The following HM13 variants were observed in gnomAD, a reference collection of about 807,000 sequenced individuals.
HM13 encodes the protein signal peptide peptidase.
Under a neutral mutation model 50.0 loss-of-function variants are expected in HM13, and 18 were observed. The ratio of observed to expected loss-of-function variants is 0.36; its 90% CI spans 0.25 to 0.53. The LOEUF (loss-of-function observed/expected upper bound fraction) is 0.53. HM13 is among the 20% of genes least tolerant of loss of function. The pLI is 0.90. For synonymous variants in HM13, 197 were observed against 232.6 expected (o/e 0.85, Z 1.39); for missense variants, 393 against 552.4 (o/e 0.71, Z 2.89).
chr20:31,553,833 C>A (rs1040390146), intron 7 of HM13, among the ~76,000 whole-genome samples: 12 of 152,044 alleles, frequency 7.9e-5, no homozygotes, highest in African/African-American at 2.9e-4. Flanking sequence ...ACAGAAGGAG[C>A]TTATAGCCCG....
rs75629600 is a variant in HM13 at position 31,552,557 on chromosome 20, A to G, written c.725-2189A>G. On this transcript the variant is annotated intron_variant, in intron 7 of 12. Transcript: ENST00000398174. The stretch of plus-strand genomic sequence containing the variant: ...AGAAGACCCACTGCCTTCTACTGCT[A>G]GGACTAGTGCTCAGTGGCAGAAAGG... 3.7e-3 allele frequency among the ~76,000 whole-genome samples: 556 copies of G among 152,282 alleles called. 9 individuals carry two copies. In the East Asian group the frequency reaches 0.039, roughly 11 times the overall value.
intron 8 of HM13, among the ~76,000 whole-genome samples, chr20:31,556,331 G>A (rs190993642): frequency 9.4e-4 from 143 of 152,162 alleles, no homozygotes; most frequent in Non-Finnish European, 1.4e-3. Context: ...GAGCCACCAC[G>A]CCTGGCCGAC....
chr20:31,561,965 C>T (rs989956703), intron 10 of HM13, among the ~76,000 whole-genome samples: 1 of 152,208 alleles, frequency 6.6e-6, no homozygotes, highest in Non-Finnish European at 1.5e-5. Context: ...AGCGTAACAG[C>T]CATGCCTGCT....
At chr20:31,550,684 T>A (rs149777581) in intron 7 of HM13, among the ~76,000 whole-genome samples, 4 of 152,306 alleles carry the variant, frequency 2.6e-5, no homozygotes, top group Non-Finnish European at 5.9e-5. Context: ...TTAACACATG[T>A]GAACTGTGTT....
chr20:31,554,987 G>C (rs916058130), intron 8 of HM13, among the ~76,000 whole-genome samples, 158 bp downstream of exon 8: 1 of 152,236 alleles, frequency 6.6e-6, no homozygotes, highest in Non-Finnish European at 1.5e-5. Flanking sequence ...CTTAACATCC[G>C]TTTACGGAGG....
chr20:31,558,356 G>T (rs1443021323), intron 8 of HM13, among the ~76,000 whole-genome samples: 1 of 152,046 alleles, frequency 6.6e-6, no homozygotes, highest in Non-Finnish European at 1.5e-5. Context: ...TGTTTAGGTT[G>T]TTCTGCTCAG....
chr20:31,569,073 C>T, intron 12 of HM13, 47 bp from the exon 13 acceptor site: 1 of 1,356,132 alleles, frequency 7.4e-7, no homozygotes, highest in Non-Finnish European at 1.0e-6. Flanking sequence ...TCTGCTCACC[C>T]TCTCCTCTAA....
At chr20:31,556,036 C>CTTT (rs561024148) in intron 8 of HM13, among the ~76,000 whole-genome samples, 2 of 138,012 alleles carry the variant, frequency 1.4e-5, no homozygotes, top group African/African-American at 2.7e-5. Flanking sequence ...ATTATTTCTC[C>CTTT]TTTTTTTTTT....
intron 1 of HM13, among the ~76,000 whole-genome samples, chr20:31,520,237 T>C (rs1198712696): frequency 6.6e-6 from 1 of 152,178 alleles, no homozygotes; most frequent in Non-Finnish European, 1.5e-5. Flanking sequence ...AGCAATGACC[T>C]CAATTCTTGT....
At chr20:31,538,660 G>A in intron 3 of HM13, 1 of 1,132,010 alleles carries the variant, frequency 8.8e-7, no homozygotes, top group Non-Finnish European at 1.1e-6. Flanking sequence ...GCCAGAGGCA[G>A]CATAGTGAAA....
At chr20:31,529,398 A>G (rs1982681133) in intron 2 of HM13, among the ~76,000 whole-genome samples, 1 of 151,470 alleles carries the variant, frequency 6.6e-6, no homozygotes. Context: ...GGCGTGCACC[A>G]CCACACCTAG....
intron 2 of HM13, among the ~76,000 whole-genome samples, chr20:31,529,462 C>T (rs1214158171): frequency 5.9e-5 from 9 of 152,116 alleles, no homozygotes; most frequent in East Asian, 1.9e-4. Context: ...CCAGGCTGGT[C>T]TCGAACTCCT....
chr20:31,559,723 T>C, intron 9 of HM13, 76 bp downstream of exon 9: 1 of 1,428,300 alleles, frequency 7.0e-7, no homozygotes, highest in Non-Finnish European at 9.9e-7. Flanking sequence ...CCAGAGAAGG[T>C]ACCTCAGGAG....
At chr20:31,535,098 A>G (rs904327693) in intron 2 of HM13, among the ~76,000 whole-genome samples, 1 of 151,844 alleles carries the variant, frequency 6.6e-6, no homozygotes, top group Non-Finnish European at 1.5e-5. Context: ...AAAAAAAAAA[A>G]GAAGAAGAGG....
intron 7 of HM13, among the ~76,000 whole-genome samples, chr20:31,551,899 C>T (rs1984052561): frequency 6.6e-6 from 1 of 152,194 alleles, no homozygotes. Flanking sequence ...CAGAGGAAAA[C>T]AGGTTTCTCC....
intron 1 of HM13, among the ~76,000 whole-genome samples, chr20:31,518,868 G>T (rs57705377): frequency 0.26 from 38,277 of 148,290 alleles, 5,020 homozygotes; most frequent in Middle Eastern, 0.35. Flanking sequence ...TATATATATA[G>T]AGAGAGAGAG....
In HM13 at chr20:31,568,126, C is replaced by A; in HGVS notation, c.1083C>A (p.His361Gln). Residue 361 changes from histidine (H) to glutamine (Q), a missense_variant, in exon 12 of 13, where the codon CAC becomes CAA. His to Gln is a conservative substitution (Grantham distance 24). Coordinates refer to ENST00000398174, the MANE Select transcript of HM13 (RefSeq NM_178581.3). Reference protein sequence around the residue: ...EILPHTPRLTHFPTVSGSPAS... With the variant: ...EILPHTPRLTQFPTVSGSPAS... ...TGCCTCATACCCCGAGGCTCACCCA[C>A]TTCCCCACAGTCTCGGGCTCCCCAG... The A allele has an allele frequency of 6.2e-7, 1 of 1,613,348 alleles. No individual in the cohort carries two copies.
At chr20:31,529,157 C>T (rs1982664293) in intron 2 of HM13, among the ~76,000 whole-genome samples, 1 of 152,188 alleles carries the variant, frequency 6.6e-6, no homozygotes, top group Non-Finnish European at 1.5e-5. Context: ...CAGGGTTTTA[C>T]TATGTTGCCC....
chr20:31,561,264 C>G lies in HM13; in HGVS notation c.846-370C>G, dbSNP rs142933910. ...GGGCCCTGCTCTAGAGCTATTAGAT[C>G]AGACTCCCTGGGGGTGGGACCTAGA... On this transcript the variant is annotated intron_variant, in intron 9 of 12. Transcript: ENST00000398174. Among the ~76,000 whole-genome samples, 18 of 152,294 alleles carry G rather than the reference C, an allele frequency of 1.2e-4. No homozygotes were observed. In the East Asian group the frequency reaches 3.1e-3, roughly 26 times the overall value.
Sources: gnomAD v4.1 joint callset for allele counts (sites outside exome capture counted in the v4.1 genomes callset) on GRCh38, gnomAD v4.1.1 for gene constraint, MANE v1.5 for transcripts, NCBI Gene and HGNC (gene_info 2026-07-23, HGNC 2026-07-21) for gene names.